SAMSN1: variants seen among roughly 807,000 people sequenced by gnomAD.
The protein encoded by SAMSN1 is SAM domain, SH3 domain and nuclear localization signals 1, also known as SAM domain-containing protein SAMSN-1.
In SAMSN1, 31 loss-of-function variants were observed where a neutral mutation model predicts 42.0. The observed-to-expected ratio is 0.74, with a 90% confidence interval of 0.55 to 1.00. The LOEUF (loss-of-function observed/expected upper bound fraction) is 1.00. Among genes scored for constraint, SAMSN1 ranks in the 50% least tolerant of loss-of-function variants. The pLI, the probability that SAMSN1 is intolerant of heterozygous loss-of-function variation, is 0.00. For synonymous variants in SAMSN1, 178 were observed against 151.9 expected, an observed-to-expected ratio of 1.17 and a Z score of -1.26; for missense variants, 464 against 439.4, an observed-to-expected ratio of 1.06 and a Z score of -0.50.
At chr21:14,602,998 C>G (rs1982474604) in intron 5 of SAMSN1, among the ~76,000 whole-genome samples, 1 of 152,058 alleles carries the variant, frequency 6.6e-6, no homozygotes, top group South Asian at 2.1e-4. Context: ...TTATTTGCAC[C>G]AATAACTTAA....
chr21:14,540,540 C>G (rs1182250337), intron 1 of SAMSN1, among the ~76,000 whole-genome samples: 4 of 152,282 alleles, frequency 2.6e-5, no homozygotes, highest in South Asian at 2.1e-4. Flanking sequence ...AAATGCTCAT[C>G]ATCACTGGCC....
At chr21:14,508,288 A>C (rs1402982579) in intron 5 of SAMSN1, among the ~76,000 whole-genome samples, 1 of 152,220 alleles carries the variant, frequency 6.6e-6, no homozygotes, top group African/African-American at 2.4e-5. Flanking sequence ...GGGTGGGAAA[A>C]AATTTTCACA....
intron 4 of SAMSN1, chr21:14,612,596 C>T (rs1159312795): frequency 1.9e-6 from 1 of 528,550 alleles, no homozygotes; most frequent in Admixed American, 2.3e-5. Context: ...CCAAGCTACA[C>T]ATGGAGAGCT....
chr21:14,491,250 A>C (rs747998808), intron 7 of SAMSN1, among the ~76,000 whole-genome samples: 2 of 151,802 alleles, frequency 1.3e-5, no homozygotes, highest in Admixed American at 6.5e-5. Context: ...AGGTGCAAGA[A>C]TATCACTCTG....
At chr21:14,551,511 T>C (rs533537313) in intron 2 of SAMSN1, among the ~76,000 whole-genome samples, 1 of 152,184 alleles carries the variant, frequency 6.6e-6, no homozygotes, top group South Asian at 2.1e-4. Flanking sequence ...TCAAAATAAA[T>C]GCAAATTACT....
At chr21:14,614,645 A>C (rs1457280494) in intron 3 of SAMSN1, among the ~76,000 whole-genome samples, 1 of 152,214 alleles carries the variant, frequency 6.6e-6, no homozygotes, top group Non-Finnish European at 1.5e-5. Flanking sequence ...AAAAACATGC[A>C]TATATAAGGT....
At chr21:14,640,485 G>A (rs762998053) in intron 2 of SAMSN1, among the ~76,000 whole-genome samples, 12 of 151,930 alleles carry the variant, frequency 7.9e-5, no homozygotes, top group Admixed American at 2.0e-4. Context: ...TTTTTTTCTG[G>A]TACTGTTAAG....
intron 2 of SAMSN1, among the ~76,000 whole-genome samples, chr21:14,565,601 CATAAA>C (rs1360959757): frequency 6.6e-6 from 1 of 152,140 alleles, no homozygotes; most frequent in African/African-American, 2.4e-5. Flanking sequence ...AGCACCAGCA[CATAAA>C]ATATCTCTTA....
At chr21:14,489,892 G>A (rs1219541680) in intron 7 of SAMSN1, among the ~76,000 whole-genome samples, 1 of 151,986 alleles carries the variant, frequency 6.6e-6, no homozygotes, top group Admixed American at 6.6e-5. Flanking sequence ...TAATTATATT[G>A]GAATTTTGAC....
At chr21:14,557,133 T>C (rs1228024894) in intron 2 of SAMSN1, among the ~76,000 whole-genome samples, 1 of 152,154 alleles carries the variant, frequency 6.6e-6, no homozygotes, top group East Asian at 1.9e-4. Flanking sequence ...GGGTCTGCTT[T>C]TCCTCGTTCT....
chr21:14,525,819 A>T (rs1389331527), intron 1 of SAMSN1, among the ~76,000 whole-genome samples: 1 of 152,180 alleles, frequency 6.6e-6, no homozygotes, highest in Non-Finnish European at 1.5e-5. Flanking sequence ...ATTTCTATAT[A>T]ATAGCTAAAA....
intron 2 of SAMSN1, among the ~76,000 whole-genome samples, chr21:14,621,539 A>G (rs964199457): frequency 3.3e-5 from 5 of 152,070 alleles, no homozygotes; most frequent in African/African-American, 7.2e-5. Context: ...ATGGAGCCTC[A>G]CTCATTGCTA....
chr21:14,536,386 T>A (rs572125976), intron 1 of SAMSN1, among the ~76,000 whole-genome samples: 1 of 152,338 alleles, frequency 6.6e-6, no homozygotes, highest in South Asian at 2.1e-4. Context: ...AAGCTTCCTA[T>A]AAAATACAAT....
At chr21:14,524,183 C>T (rs1978680257) in intron 1 of SAMSN1, among the ~76,000 whole-genome samples, 1 of 152,066 alleles carries the variant, frequency 6.6e-6, no homozygotes. Flanking sequence ...GACTTCTGTT[C>T]TTGTAAAGTT....
chr21:14,625,246 C>T (rs865779144), intron 2 of SAMSN1, among the ~76,000 whole-genome samples: 33 of 152,230 alleles, frequency 2.2e-4, no homozygotes, highest in African/African-American at 7.9e-4. Context: ...TTCACCACTC[C>T]TATTCAACAT....
chr21:14,614,480 AACAC>A (rs1366033882), intron 3 of SAMSN1, among the ~76,000 whole-genome samples: 1 of 152,166 alleles, frequency 6.6e-6, no homozygotes, highest in Non-Finnish European at 1.5e-5. Context: ...TGTGTGGGTA[AACAC>A]ACATATCTCA....
At chr21:14,630,494 A>C (rs1437574351) in intron 2 of SAMSN1, among the ~76,000 whole-genome samples, 1 of 152,100 alleles carries the variant, frequency 6.6e-6, no homozygotes, top group Non-Finnish European at 1.5e-5. Flanking sequence ...AGCACAATTA[A>C]CCTTCATCTA....
At chr21:14,657,999 G>A (rs1458062821) in intron 1 of SAMSN1, among the ~76,000 whole-genome samples, 4 of 151,722 alleles carry the variant, frequency 2.6e-5, no homozygotes, top group African/African-American at 9.7e-5. Flanking sequence ...ATCTCCCATC[G>A]ACATCTTGAA....
At chr21:14,654,729 A>T (rs540480244) in intron 1 of SAMSN1, among the ~76,000 whole-genome samples, 1 of 152,152 alleles carries the variant, frequency 6.6e-6, no homozygotes, top group Admixed American at 6.6e-5. Flanking sequence ...GTAATAGTTC[A>T]TATATCTGCT....
Sources: allele counts gnomAD v4.1 joint callset (sites outside exome capture counted in the v4.1 genomes callset), GRCh38; gene constraint gnomAD v4.1.1; transcripts MANE v1.5; gene names NCBI Gene and HGNC (gene_info 2026-07-23, HGNC 2026-07-21).